Variants in CAMSAP3 observed in about 807,000 individuals in gnomAD.
CAMSAP3 encodes the protein calmodulin-regulated spectrin-associated protein 3.
Under a neutral mutation model 112.5 loss-of-function variants are expected in CAMSAP3, and 34 were observed. That is an observed-to-expected ratio of 0.30 (90% CI 0.23 to 0.40). The LOEUF (loss-of-function observed/expected upper bound fraction) is 0.40. CAMSAP3 is among the 10% of genes least tolerant of loss of function. The pLI, the probability that CAMSAP3 is intolerant of heterozygous loss-of-function variation, is 1.00. For missense variants in CAMSAP3, 1,602 were observed against 1,770.3 expected, an observed-to-expected ratio of 0.90 and a Z score of 1.71; for synonymous variants, 868 against 799.8, an observed-to-expected ratio of 1.09 and a Z score of -1.44.
At chr19:7,616,174 G>A (rs192852328) in intron 13 of CAMSAP3, among the ~76,000 whole-genome samples, 19 of 149,632 alleles carry the variant, frequency 1.3e-4, no homozygotes, top group South Asian at 2.1e-4. Flanking sequence ...GCAACAGAGC[G>A]AGACTCCGTC....
intron 5 of CAMSAP3, 50 bp downstream of exon 5, chr19:7,608,314 T>TA: frequency 6.3e-7 from 1 of 1,581,708 alleles, no homozygotes; most frequent in Non-Finnish European, 8.6e-7. Flanking sequence ...CTGGGCATCC[T>TA]AAGTCCCAGC....
rs1169182814 is a variant in CAMSAP3, at chr19:7,617,615, G to A, written c.3398G>A (p.Cys1133Tyr). Residue 1133 changes from cysteine (C) to tyrosine (Y), a missense_variant, in exon 16 of 17, where the codon TGC (cysteine) becomes TAC (tyrosine). Physicochemically the swap from Cys to Tyr is radical, Grantham distance 194. Around this residue, in one of 6 missense-constraint regions of CAMSAP3, gnomAD observed 150 missense variants for 207.6 expected, o/e 0.72. Coordinates refer to ENST00000160298, the MANE Select transcript of CAMSAP3 (RefSeq NM_020902.2). The surrounding 1 kb of genome is among the most constrained non-coding windows in gnomAD (Gnocchi z 7.5). ...FIIHNALSHC[C>Y]LAGKVNEPQK... Reference sequence around the variant, plus strand: ...ATCCACAATGCCCTATCACACTGCTGCCTGGCGGGCAAGGTGAACGAACCG... The same window carrying A: ...ATCCACAATGCCCTATCACACTGCTACCTGGCGGGCAAGGTGAACGAACCG... The A allele has an allele frequency of 6.2e-7, 1 of 1,614,090 alleles. No homozygotes were observed. Among genetic ancestry groups the A allele is most frequent in the Non-Finnish European group, 8.5e-7 (1 of 1,180,044 alleles).
Position 7,612,411 on chromosome 19 carries a change from G to C in CAMSAP3, c.1918G>C (p.Val640Leu), listed in dbSNP as rs1156711854. ...QRLGKSAFLQ[V>L]QPREASGEAE... ...GCTGGGCAAAAGCGCCTTCCTGCAG[G>C]TGCAGCCGCGGGAAGCCTCTGGGGA... is the stretch of plus-strand genomic sequence containing the variant. Residue 640 changes from valine to leucine, a missense_variant, in exon 11 of 17, where the codon GTG becomes CTG. Physicochemically the swap from Val to Leu is conservative, Grantham distance 32. Around this residue, in one of 6 missense-constraint regions of CAMSAP3, gnomAD observed 1,100 missense variants for 1,135.7 expected, o/e 0.97. Coordinates refer to ENST00000160298, the MANE Select transcript of CAMSAP3 (RefSeq NM_020902.2). 6 of 1,592,546 alleles carry C rather than the reference G, an allele frequency of 3.8e-6. No individual in the cohort carries two copies. Among genetic ancestry groups the C allele is most frequent in the Middle Eastern group, 1.7e-4 (1 of 5,936 alleles).
chr19:7,616,413 G>A, intron 13 of CAMSAP3, 110 bp from the exon 14 acceptor site: 1 of 793,340 alleles, frequency 1.3e-6, no homozygotes, highest in Non-Finnish European at 2.2e-6. Flanking sequence ...AGGGCCGAGG[G>A]GTCTTGGGCA....
intron 1 of CAMSAP3, among the ~76,000 whole-genome samples, chr19:7,597,358 T>C (rs1056155093): frequency 6.6e-6 from 1 of 152,156 alleles, no homozygotes; most frequent in Non-Finnish European, 1.5e-5. Context: ...GATTGGGCAT[T>C]GGACAGCCAG....
chr19:7,601,827 G>A (rs2146158139), intron 1 of CAMSAP3, among the ~76,000 whole-genome samples: 1 of 152,202 alleles, frequency 6.6e-6, no homozygotes, highest in South Asian at 2.1e-4. Context: ...CACTTTGGGA[G>A]GCTAAGGTGG....
intron 1 of CAMSAP3, among the ~76,000 whole-genome samples, chr19:7,599,127 C>T (rs551436893): frequency 3.8e-4 from 57 of 151,964 alleles, no homozygotes; most frequent in African/African-American, 1.3e-3. Context: ...GCTATGATCA[C>T]GCCACTGCAC....
rs2030561009 is a variant in CAMSAP3, at chr19:7,612,624, A to C, written c.2131A>C (p.Ser711Arg). ...GGTCAGCAAGCTGAGTGCCGCCTTG[A>C]GCTCGCTGCAGCGGGACATGCAGAG... ...RAVSKLSAAL[S>R]SLQRDMQRLT... The change falls in exon 11 of 17, where the codon AGC (serine) becomes CGC (arginine). Residue 711 changes from serine to arginine, a missense_variant. Coordinates refer to ENST00000160298, the MANE Select transcript of CAMSAP3 (RefSeq NM_020902.2). 6.6e-7 allele frequency: 1 copy of C among 1,523,918 alleles called. No homozygotes were observed. The highest frequency in any genetic ancestry group is 8.8e-7 in the Non-Finnish European group (1 of 1,138,110). The allele number at this position is 1,523,918 out of a possible 1,614,324, so 94.4% of individuals were successfully genotyped here. A position where few individuals can be genotyped will look rare whatever the true frequency, so the allele number is the denominator to read the frequency against.
At chr19:7,614,826 G>T in intron 11 of CAMSAP3, 1 of 385,026 alleles carries the variant, frequency 2.6e-6, no homozygotes, top group Non-Finnish European at 4.9e-6. Flanking sequence ...CATTCTACAG[G>T]GTACTTCCTC....
At chr19:7,599,858 C>T (rs1383640908) in intron 1 of CAMSAP3, among the ~76,000 whole-genome samples, 2 of 28,190 alleles carry the variant, frequency 7.1e-5, no homozygotes, top group Non-Finnish European at 1.4e-4. Flanking sequence ...CACCCACACA[C>T]TCTCCCACCC....
Position 7,609,079 on chromosome 19 carries a change from TG to T in CAMSAP3, c.760+818del, listed in dbSNP as rs531732522. 8.2e-3 allele frequency among the ~76,000 whole-genome samples: 1,231 copies of T among 150,898 alleles called. 19 individuals carry two copies. The highest frequency in any genetic ancestry group is 0.028 in the African/African-American group (1,146 of 41,178). On this transcript the variant is annotated intron_variant, in intron 5 of 16. Coordinates refer to ENST00000160298, the MANE Select transcript of CAMSAP3 (RefSeq NM_020902.2). ...GCTCACGCCTGTAATCCCAGCAGTT[TG>T]GGAGGCCGAGGCGGGTGGATCACGA...
rs1219909400 is a variant in CAMSAP3 at position 7,612,617 on chromosome 19, C to T, written c.2124C>T (p.Ala708=). The change falls in exon 11 of 17, where the codon GCC becomes GCT. Residue 708 remains alanine, a synonymous_variant. Transcript: ENST00000160298. ...ATCGAGCGGTCAGCAAGCTGAGTGC[C>T]GCCTTGAGCTCGCTGCAGCGGGACA... is the stretch of plus-strand genomic sequence containing the variant. The part of the protein sequence containing the change: ...EYNRAVSKLS[A]ALSSLQRDMQ... The T allele has an allele frequency of 1.3e-6, 2 of 1,528,200 alleles. No homozygotes were observed. The highest frequency in any genetic ancestry group is 8.8e-7 in the Non-Finnish European group (1 of 1,140,916). 94.7% of individuals were successfully genotyped at this position (1,528,200 alleles called of 1,614,324 possible).
rs1387797378 is a variant in CAMSAP3, at chr19:7,617,445, A to G, written c.3325+7A>G. 8.1e-6 allele frequency: 13 copies of G among 1,613,162 alleles called. No homozygotes were observed. The highest frequency in any genetic ancestry group is 1.7e-6 in the Non-Finnish European group (2 of 1,179,302). On this transcript the variant is annotated splice_region_variant and intron_variant, in intron 15 of 16. Transcript: ENST00000160298. This position sits in a 1 kb window ranked among gnomAD's most constrained non-coding sequence, Gnocchi z 7.5. ...TCAGTGCCCGAGTACACAGGTAAGC[A>G]GGGGCTCTGGGTGATGTGAGGAGCA...
rs1275955902 is a variant in CAMSAP3 at position 7,607,978 on chromosome 19, C to T, written c.622-148C>T. 2.0e-6 allele frequency: 2 copies of T among 982,652 alleles called. No individual in the cohort carries two copies. Among genetic ancestry groups the T allele is most frequent in the Non-Finnish European group, 3.1e-6 (2 of 641,794 alleles). 60.9% of individuals were successfully genotyped at this position (982,652 alleles called of 1,614,324 possible). A position where few individuals can be genotyped will look rare whatever the true frequency, so the allele number is the denominator to read the frequency against. ...GCCTCTTGCTGCTGCCCCTCCCCTG[C>T]TCCAGGCTGGCCCCCCAACTCTGTC... On this transcript the variant is annotated intron_variant, in intron 4 of 16. Coordinates refer to ENST00000160298, the MANE Select transcript of CAMSAP3 (RefSeq NM_020902.2). This position sits in a 1 kb window ranked among gnomAD's most constrained non-coding sequence, Gnocchi z 4.9.
In CAMSAP3 at chr19:7,612,550, C is replaced by T. The variant is rs766535347; in HGVS notation, c.2057C>T (p.Pro686Leu). Reference protein sequence around the residue: ...TSRPKAVTFSPDLGPVPHEGL... With the variant: ...TSRPKAVTFSLDLGPVPHEGL... ...CGGCCCAAGGCAGTGACCTTCTCGC[C>T]AGACCTGGGCCCGGTGCCCCACGAG... The change falls in exon 11 of 17, where the codon CCA becomes CTA. Residue 686 changes from proline (P) to leucine (L), a missense_variant. By Grantham distance (98) the Pro-to-Leu change is moderately conservative. Transcript: ENST00000160298. 9.1e-5 allele frequency: 140 copies of T among 1,535,944 alleles called. 1 individual carries two copies. Among genetic ancestry groups the T allele is most frequent in the Admixed American group, 2.0e-5 (1 of 50,972 alleles).
rs902868104 is a variant in CAMSAP3, at chr19:7,613,077, G to A, written c.2584G>A (p.Gly862Arg). Reference sequence around the variant, plus strand: ...TCCCGCCGCCGAGGACGAGGGAGACGGGAGCCCCGCTGGTGCTGAGGATTC... The same window carrying A: ...TCCCGCCGCCGAGGACGAGGGAGACAGGAGCCCCGCTGGTGCTGAGGATTC... ...ADPAAEDEGD[G>R]SPAGAEDSLE... is the part of the protein sequence containing the mutation. Residue 862 changes from glycine (G) to arginine (R), a missense_variant, in exon 11 of 17, where the codon GGG (glycine) becomes AGG (arginine). Gly to Arg is a moderately radical substitution (Grantham distance 125, BLOSUM62 -2). Transcript: ENST00000160298. 4 of 1,547,570 alleles carry A rather than the reference G, an allele frequency of 2.6e-6. No individual in the cohort carries two copies. The highest frequency in any genetic ancestry group is 2.4e-5 in the East Asian group (1 of 40,858).
In CAMSAP3 at chr19:7,596,049, T is replaced by C; in HGVS notation, c.47T>C (p.Phe16Ser). ...PPGPGPLRRT[F>S]LVPEIKSLDQ... Reference sequence around the variant, plus strand: ...GGGCCCGGGCCGCTGCGGAGGACCTTTCTAGTGCCCGAGATCAAGTCGCTG... The same window carrying C: ...GGGCCCGGGCCGCTGCGGAGGACCTCTCTAGTGCCCGAGATCAAGTCGCTG... Residue 16 changes from phenylalanine to serine, a missense_variant, in exon 1 of 17, where the codon TTT becomes TCT. By Grantham distance (155) the Phe-to-Ser change is radical (BLOSUM62 -2). Transcript: ENST00000160298. 7.9e-7 allele frequency: 1 copy of C among 1,260,230 alleles called. No individual in the cohort carries two copies. The highest frequency in any genetic ancestry group is 1.0e-6 in the Non-Finnish European group (1 of 975,388). The allele number at this position is 1,260,230 out of a possible 1,614,324, so 78.1% of individuals were successfully genotyped here. A position where few individuals can be genotyped will look rare whatever the true frequency, so the allele number is the denominator to read the frequency against.
At chr19:7,616,955 T>TTTTTTTG (rs2030840237) in intron 14 of CAMSAP3, among the ~76,000 whole-genome samples, 1 of 139,706 alleles carries the variant, frequency 7.2e-6, no homozygotes, top group African/African-American at 2.6e-5. Flanking sequence ...TTTTTTTTTT[T>TTTTTTTG]TTTGTTTTTT....
At chr19:7,616,346 G>C in intron 13 of CAMSAP3, 177 bp from the exon 14 acceptor site, 1 of 574,990 alleles carries the variant, frequency 1.7e-6, no homozygotes, top group Non-Finnish European at 3.1e-6. Flanking sequence ...CTCCCCACTT[G>C]CCTGCTGGGC....
Sources: allele counts gnomAD v4.1 joint callset (sites outside exome capture counted in the v4.1 genomes callset), GRCh38; gene constraint gnomAD v4.1.1; regional missense constraint gnomAD v4.1.1; non-coding constraint Gnocchi (gnomAD v3.1); transcripts MANE v1.5; gene names NCBI Gene and HGNC (gene_info 2026-07-23, HGNC 2026-07-21).